Variants in RB1 observed in about 807,000 individuals in gnomAD.
The protein encoded by RB1 is RB transcriptional corepressor 1.
RB1 carries 18 observed loss-of-function variants against 135.4 expected under a neutral mutation model. The ratio of observed to expected loss-of-function variants is 0.13; its 90% confidence interval spans 0.09 to 0.20. RB1 has a LOEUF of 0.20. RB1 is among the 10% of genes least tolerant of loss of function. The pLI, the probability that RB1 is intolerant of heterozygous loss-of-function variation, is 1.00. For missense variants in RB1, 868 were observed against 1,110.0 expected (o/e 0.78, Z 3.10); for synonymous variants, 365 against 373.2 (o/e 0.98, Z 0.25).
intron 5 of RB1, 118 bp from the exon 6 acceptor site, chr13:48,348,838 A>T: frequency 8.0e-7 from 1 of 1,246,966 alleles, no homozygotes; most frequent in Non-Finnish European, 1.1e-6. Flanking sequence ...TTATGCATTT[A>T]ACTAAGGTCA....
chr13:48,445,143 T>A (rs1279491119), intron 17 of RB1: 1 of 152,222 alleles, frequency 6.6e-6, no homozygotes, highest in African/African-American at 2.4e-5. Flanking sequence ...TAGAAAATTT[T>A]GTCACTTGTA....
intron 17 of RB1, among the ~76,000 whole-genome samples, chr13:48,433,372 C>A (rs899639337): frequency 3.9e-5 from 6 of 151,962 alleles, no homozygotes; most frequent in African/African-American, 1.5e-4. Flanking sequence ...TGATTAGAAG[C>A]ATTAAAATTC....
Position 48,342,664 on chromosome 13 carries a change from A to G in RB1, c.330A>G (p.Leu110=). Residue 110 remains leucine (L), a synonymous_variant, in exon 3 of 27, where the codon CTA becomes CTG. Coordinates refer to ENST00000267163, the MANE Select transcript of RB1 (RefSeq NM_000321.3). The part of the protein sequence containing the change: ...GICIFIAAVD[L]DEMSFTFTEL... ...GTATCTTTATTGCAGCAGTTGACCT[A>G]GATGAGATGTCGTTCACTTTTACTG... 1 of 1,612,828 alleles carries G rather than the reference A, an allele frequency of 6.2e-7. No homozygotes were observed. The highest frequency in any genetic ancestry group is 1.3e-5 in the African/African-American group (1 of 75,020).
intron 1 of RB1, among the ~76,000 whole-genome samples, chr13:48,304,892 T>C (rs1952067943): frequency 6.6e-6 from 1 of 152,184 alleles, no homozygotes; most frequent in South Asian, 2.1e-4. Context: ...TTTGCCTTTG[T>C]TTTTGGCACA....
chr13:48,458,296 T>TAC, intron 19 of RB1, among the ~76,000 whole-genome samples: 1 of 150,854 alleles, frequency 6.6e-6, no homozygotes, highest in Admixed American at 6.6e-5. Flanking sequence ...TGAGTGTGTA[T>TAC]ATATGGTGGG....
At chr13:48,382,475 T>C (rs563441872) in intron 17 of RB1, among the ~76,000 whole-genome samples, 1 of 152,358 alleles carries the variant, frequency 6.6e-6, no homozygotes, top group Admixed American at 6.5e-5. Flanking sequence ...TTCATGTGTC[T>C]TTTGGCTGCA....
In RB1 at chr13:48,381,391, A is replaced by C; in HGVS notation, c.1643A>C (p.Lys548Thr). 1 of 1,613,206 alleles carries C rather than the reference A, an allele frequency of 6.2e-7. No individual in the cohort carries two copies. The highest frequency in any genetic ancestry group is 8.5e-7 in the Non-Finnish European group (1 of 1,179,586). Residue 548 changes from lysine to threonine, a missense_variant, in exon 17 of 27, where the codon AAA (lysine) becomes ACA (threonine). Physicochemically the swap from Lys to Thr is moderately conservative, Grantham distance 78. This residue lies in a region of RB1 where 641 missense variants were observed against 791.3 expected (regional missense o/e 0.81). Transcript: ENST00000267163. Reference protein sequence around the residue: ...AEGNLTREMIKHLERCEHRIM... With the variant: ...AEGNLTREMITHLERCEHRIM... The stretch of plus-strand genomic sequence containing the variant: ...GGCAACTTGACAAGAGAAATGATAA[A>C]ACATTTAGAACGATGTGAACATCGA...
chr13:48,378,839 A>T (rs1306284718), intron 13 of RB1, among the ~76,000 whole-genome samples: 1 of 152,150 alleles, frequency 6.6e-6, no homozygotes, highest in East Asian at 1.9e-4. Flanking sequence ...ATCTTATGGG[A>T]CTACTGTTAG....
At chr13:48,354,886 C>A (rs577594260) in intron 6 of RB1, among the ~76,000 whole-genome samples, 1 of 151,952 alleles carries the variant, frequency 6.6e-6, no homozygotes, top group African/African-American at 2.4e-5. Flanking sequence ...TGAAACTAGA[C>A]CCCTATCTGT....
At chr13:48,476,983 G>T in intron 25 of RB1, 140 bp downstream of exon 25, 1 of 1,117,622 alleles carries the variant, frequency 8.9e-7, no homozygotes, top group Non-Finnish European at 1.3e-6. Flanking sequence ...CAAAATAATA[G>T]ATATGAGTGT....
At chr13:48,385,778 C>A (rs946530741) in intron 17 of RB1, among the ~76,000 whole-genome samples, 2 of 152,122 alleles carry the variant, frequency 1.3e-5, no homozygotes, top group Non-Finnish European at 2.9e-5. Context: ...TTGCTTCTTA[C>A]AACAAAACCA....
At chr13:48,407,414 G>A (rs1038750849) in intron 17 of RB1, among the ~76,000 whole-genome samples, 2 of 152,196 alleles carry the variant, frequency 1.3e-5, no homozygotes, top group Non-Finnish European at 2.9e-5. Context: ...AAAAAAGAGA[G>A]AGAAGTTTGC....
intron 17 of RB1, among the ~76,000 whole-genome samples, chr13:48,391,118 C>A (rs948485406): frequency 1.4e-4 from 22 of 152,026 alleles, no homozygotes; most frequent in African/African-American, 4.8e-4. Context: ...GTCTATACTT[C>A]TTTATTTTGT....
At chr13:48,478,765 T>TCATC (rs1255045202) in intron 26 of RB1, among the ~76,000 whole-genome samples, 2 of 152,186 alleles carry the variant, frequency 1.3e-5, no homozygotes, top group Non-Finnish European at 2.9e-5. Context: ...TTAGAAAAGA[T>TCATC]CATCATACAA....
rs781708508 is a variant in RB1, at chr13:48,348,957, A to T, written c.541A>T (p.Ile181Leu). 1 of 1,601,286 alleles carries T rather than the reference A, an allele frequency of 6.2e-7. No homozygotes were observed. Among genetic ancestry groups the T allele is most frequent in the Non-Finnish European group, 8.5e-7 (1 of 1,172,800 alleles). ...LIYLTQPSSS[I>L]STEINSALVL... The stretch of plus-strand genomic sequence containing the variant: ...TTCTGCTTTCTATTTGTTTAATAGG[A>T]TATCTACTGAAATAAATTCTGCATT... Residue 181 changes from isoleucine to leucine, a missense_variant and splice_region_variant, in exon 6 of 27, where the codon ATA becomes TTA. By Grantham distance (5) the Ile-to-Leu change is conservative. Transcript: ENST00000267163.
chr13:48,439,785 G>A (rs922834609), intron 17 of RB1: 4 of 152,114 alleles, frequency 2.6e-5, no homozygotes, highest in Admixed American at 2.0e-4. Context: ...AGGCTTTGGG[G>A]AAGGTTTGAA....
chr13:48,441,227 T>A (rs1949233544), intron 17 of RB1, among the ~76,000 whole-genome samples: 2 of 152,194 alleles, frequency 1.3e-5, no homozygotes, highest in African/African-American at 4.8e-5. Context: ...CCTCAGATGG[T>A]GGAAGGGACA....
chr13:48,440,512 C>A (rs142329855), intron 17 of RB1, among the ~76,000 whole-genome samples: 4 of 152,080 alleles, frequency 2.6e-5, no homozygotes, highest in African/African-American at 9.7e-5. Flanking sequence ...GGCACATGAT[C>A]CAAAGTTTAA....
chr13:48,377,782 G>A (rs1180386803), intron 13 of RB1, among the ~76,000 whole-genome samples: 2 of 152,132 alleles, frequency 1.3e-5, no homozygotes, highest in Non-Finnish European at 2.9e-5. Context: ...GTGTGAACCT[G>A]GTAGAGTGTG....
Sources: allele counts gnomAD v4.1 joint callset (sites outside exome capture counted in the v4.1 genomes callset), GRCh38; gene constraint gnomAD v4.1.1; regional missense constraint gnomAD v4.1.1; transcripts MANE v1.5; gene names NCBI Gene and HGNC (gene_info 2026-07-23, HGNC 2026-07-21).